Variants in RAD51B observed in about 807,000 individuals in gnomAD.
The protein encoded by RAD51B is RAD51 paralog B.
RAD51B carries 38 observed loss-of-function variants against 42.2 expected under a neutral mutation model. That is an observed-to-expected ratio of 0.90 (90% CI 0.70 to 1.18). The LOEUF is 1.18. Ranked by LOEUF, RAD51B falls within the 50% of genes most tolerant of loss-of-function variation. RAD51B has a pLI of 0.00. For missense variants in RAD51B, 373 were observed against 400.7 expected, an observed-to-expected ratio of 0.93 and a Z score of 0.59; for synonymous variants, 154 against 145.2, an observed-to-expected ratio of 1.06 and a Z score of -0.43.
intron 8 of RAD51B, among the ~76,000 whole-genome samples, chr14:68,321,384 C>T (rs1325047206): frequency 1.3e-5 from 2 of 152,158 alleles, no homozygotes; most frequent in Non-Finnish European, 2.9e-5. Context: ...TTTATACACT[C>T]GCCAAGCTTG....
rs144289648 is a variant in RAD51B at position 67,949,163 on chromosome 14, A to G, written c.756+61959A>G. Among the ~76,000 whole-genome samples, 438 of 152,150 alleles carry G rather than the reference A, an allele frequency of 2.9e-3. 2 individuals carry two copies. The highest frequency in any genetic ancestry group is 5.8e-3 in the South Asian group (28 of 4,818). ...AGACAGCAATAAAGTTCATTGAATG[A>G]TGCTTGAATCAATTGACTCTTCCTT... On this transcript the variant is annotated intron_variant, in intron 7 of 10. Coordinates refer to ENST00000471583, the MANE Select transcript of RAD51B (RefSeq NM_133510.4).
intron 10 of RAD51B, among the ~76,000 whole-genome samples, chr14:68,567,315 A>T (rs1281441687): frequency 6.6e-6 from 1 of 151,870 alleles, no homozygotes; most frequent in East Asian, 1.9e-4. Context: ...GAAAAAAAAA[A>T]ATTCAACTTT....
At chr14:68,332,710 C>T (rs1278151537) in intron 8 of RAD51B, among the ~76,000 whole-genome samples, 3 of 152,068 alleles carry the variant, frequency 2.0e-5, no homozygotes, top group African/African-American at 7.2e-5. Context: ...AAACTATTTC[C>T]CCCTCTTTCC....
intron 5 of RAD51B, among the ~76,000 whole-genome samples, chr14:67,882,826 C>T (rs925508959): frequency 1.3e-5 from 2 of 152,056 alleles, no homozygotes; most frequent in African/African-American, 4.8e-5. Context: ...CTCACTGCAA[C>T]CTCCATCTCC....
intron 7 of RAD51B, among the ~76,000 whole-genome samples, chr14:68,118,844 T>C (rs1362052895): frequency 6.6e-6 from 1 of 152,162 alleles, no homozygotes; most frequent in African/African-American, 2.4e-5. Context: ...AGGAACTTTA[T>C]CTGTTAAAAT....
At chr14:68,371,056 GAAA>G (rs869154803) in intron 8 of RAD51B, among the ~76,000 whole-genome samples, 27 of 90,672 alleles carry the variant, frequency 3.0e-4, no homozygotes, top group Non-Finnish European at 4.6e-4. Context: ...AAAAAAAAAA[GAAA>G]AAAAGAAAAG....
At chr14:67,894,102 A>G (rs905583183) in intron 7 of RAD51B, among the ~76,000 whole-genome samples, 2 of 152,242 alleles carry the variant, frequency 1.3e-5, no homozygotes, top group Non-Finnish European at 2.9e-5. Flanking sequence ...TTGAAAAATG[A>G]GGATAACAAT....
chr14:68,103,570 G>A (rs183359471), intron 7 of RAD51B, among the ~76,000 whole-genome samples: 2 of 152,206 alleles, frequency 1.3e-5, no homozygotes, highest in African/African-American at 4.8e-5. Flanking sequence ...TAACTATTTC[G>A]TTATAATGTT....
intron 10 of RAD51B, chr14:68,540,076 T>C (rs2140365755): frequency 7.1e-6 from 4 of 562,176 alleles, no homozygotes; most frequent in Non-Finnish European, 9.2e-6. Flanking sequence ...ACCAAAGCAA[T>C]AGAGGGACAG....
At chr14:67,902,938 C>T (rs751592231) in intron 7 of RAD51B, among the ~76,000 whole-genome samples, 1 of 151,020 alleles carries the variant, frequency 6.6e-6, no homozygotes, top group Non-Finnish European at 1.5e-5. Flanking sequence ...TGACCTCCAC[C>T]TCCTGGATTC....
At chr14:68,632,274 CTT>C (rs545479374) in intron 10 of RAD51B, among the ~76,000 whole-genome samples, 155 of 152,310 alleles carry the variant, frequency 1.0e-3, no homozygotes, top group African/African-American at 3.6e-3. Flanking sequence ...AAGCCACTGA[CTT>C]TTCCTTCAGC....
intron 8 of RAD51B, among the ~76,000 whole-genome samples, chr14:68,357,432 C>T (rs2139897848): frequency 6.6e-6 from 1 of 152,094 alleles, no homozygotes. Context: ...ATTCCAAGCT[C>T]CTATTAAGGA....
At chr14:68,057,907 A>G (rs904047482) in intron 7 of RAD51B, among the ~76,000 whole-genome samples, 11 of 151,642 alleles carry the variant, frequency 7.3e-5, no homozygotes, top group Admixed American at 5.9e-4. Flanking sequence ...ACAGCAAGAG[A>G]AGATAATCAG....
chr14:68,408,350 A>G (rs1428104072), intron 8 of RAD51B, among the ~76,000 whole-genome samples: 2 of 152,226 alleles, frequency 1.3e-5, no homozygotes, highest in African/African-American at 4.8e-5. Context: ...GTAGATTTAT[A>G]TGGGAAAATA....
At chr14:68,516,582 G>T (rs1268654859) in intron 10 of RAD51B, among the ~76,000 whole-genome samples, 2 of 152,198 alleles carry the variant, frequency 1.3e-5, no homozygotes, top group African/African-American at 4.8e-5. Context: ...ATTCTTCTTT[G>T]ACATTATACC....
At chr14:68,494,042 G>A (rs1023836967) in intron 10 of RAD51B, among the ~76,000 whole-genome samples, 2 of 152,136 alleles carry the variant, frequency 1.3e-5, no homozygotes, top group African/African-American at 4.8e-5. Context: ...ATGGGAGGCC[G>A]AGGGAGGCGG....
intron 10 of RAD51B, among the ~76,000 whole-genome samples, chr14:68,620,492 A>C (rs1240602885): frequency 6.6e-6 from 1 of 152,188 alleles, no homozygotes; most frequent in Non-Finnish European, 1.5e-5. Context: ...TTATTGGTTC[A>C]AGGCTTAGAG....
At chr14:68,218,341 A>G (rs989689604) in intron 7 of RAD51B, among the ~76,000 whole-genome samples, 3 of 152,226 alleles carry the variant, frequency 2.0e-5, no homozygotes, top group African/African-American at 7.2e-5. Context: ...GCTCATTTCT[A>G]ATCAAACTTT....
chr14:68,293,278 A>C, intron 8 of RAD51B, among the ~76,000 whole-genome samples: 1 of 152,236 alleles, frequency 6.6e-6, no homozygotes, highest in East Asian at 1.9e-4. Flanking sequence ...TTTTCTGAGA[A>C]TGAGCTAAAA....
Sources: allele counts gnomAD v4.1 joint callset (sites outside exome capture counted in the v4.1 genomes callset), GRCh38; gene constraint gnomAD v4.1.1; transcripts MANE v1.5; gene names NCBI Gene and HGNC (gene_info 2026-07-23, HGNC 2026-07-21).